The following PPP2R5C variants were observed in gnomAD, a reference collection of about 807,000 sequenced individuals.
PPP2R5C encodes protein phosphatase 2 regulatory subunit B'gamma, also known as serine/threonine-protein phosphatase 2A 56 kDa regulatory subunit gamma isoform.
Under a neutral mutation model 68.9 loss-of-function variants are expected in PPP2R5C, and 7 were observed. The observed-to-expected ratio is 0.10, with a 90% CI of 0.06 to 0.19. The LOEUF (loss-of-function observed/expected upper bound fraction) is 0.19, where lower values mean the gene tolerates loss of function less well. PPP2R5C is among the 10% of genes least tolerant of loss of function. The probability of loss-of-function intolerance (pLI) is 1.00; values close to 1 mark genes in which losing one functional copy is unlikely to be tolerated. For missense variants in PPP2R5C, 348 were observed against 641.3 expected (o/e 0.54, Z 4.94); for synonymous variants, 210 against 222.2 (o/e 0.95, Z 0.49).
intron 1 of PPP2R5C, among the ~76,000 whole-genome samples, chr14:101,812,321 G>C (rs551792668): frequency 6.9e-4 from 105 of 152,298 alleles, no homozygotes; most frequent in African/African-American, 2.3e-3. Flanking sequence ...ACACCGGCAG[G>C]GTGCCCGGGA....
chr14:101,772,916 G>A (rs940526666), intron 2 of PPP2R5C, among the ~76,000 whole-genome samples: 3 of 152,170 alleles, frequency 2.0e-5, no homozygotes, highest in Non-Finnish European at 2.9e-5. Context: ...TATGAATGGG[G>A]CCACTGTCCA....
intron 13 of PPP2R5C, chr14:101,922,018 T>C (rs1166020664): frequency 1.0e-6 from 1 of 985,402 alleles, no homozygotes; most frequent in Non-Finnish European, 1.2e-6. Flanking sequence ...ACCACGCAAG[T>C]AAGGAAGGTG....
Position 101,781,903 on chromosome 14 carries a change from T to C in PPP2R5C, c.94-4115T>C, listed in dbSNP as rs114089116. 0.037 allele frequency among the ~76,000 whole-genome samples: 5,681 copies of C among 151,590 alleles called. 337 individuals carry two copies. Among genetic ancestry groups the C allele is most frequent in the African/African-American group, 0.13 (5,292 of 41,238 alleles). ...CGGAGCGGCACCCAGGAGCCCGCCC[T>C]AGCACCCGCTCCCGCTCCCACCTCG... is the stretch of plus-strand genomic sequence containing the variant. On this transcript the variant is annotated intron_variant, in intron 2 of 14. Coordinates refer to the PPP2R5C transcript ENST00000328724. This position sits in a 1 kb window ranked among gnomAD's most constrained non-coding sequence, Gnocchi z 6.4.
intron 12 of PPP2R5C, among the ~76,000 whole-genome samples, chr14:101,912,802 A>G (rs2046468471): frequency 6.6e-6 from 1 of 152,236 alleles, no homozygotes; most frequent in Non-Finnish European, 1.5e-5. Flanking sequence ...CTGTCACTCA[A>G]ACAGCATTTC....
chr14:101,795,533 T>C (rs192141600), intron 3 of PPP2R5C, among the ~76,000 whole-genome samples: 1 of 152,082 alleles, frequency 6.6e-6, no homozygotes, highest in East Asian at 1.9e-4. Context: ...AAGATACTTA[T>C]AGGAAGAGTA....
chr14:101,786,680 A>G (rs1186400953), intron 3 of PPP2R5C, among the ~76,000 whole-genome samples: 1 of 152,158 alleles, frequency 6.6e-6, no homozygotes, highest in Non-Finnish European at 1.5e-5. Context: ...CTTATATGAA[A>G]TTAGGAAAAA....
At chr14:101,908,216 A>G (rs1308632126) in intron 10 of PPP2R5C, among the ~76,000 whole-genome samples, 1 of 152,210 alleles carries the variant, frequency 6.6e-6, no homozygotes, top group Non-Finnish European at 1.5e-5. Flanking sequence ...GGCACCAAGT[A>G]AGCATTTGCT....
intron 1 of PPP2R5C, among the ~76,000 whole-genome samples, chr14:101,854,986 G>A (rs528589183): frequency 5.9e-5 from 9 of 152,192 alleles, no homozygotes; most frequent in East Asian, 1.9e-4. Context: ...CCTGGCCAAC[G>A]TGGTGAAACC....
chr14:101,909,687 T>C (rs2046276929), exon 11 of PPP2R5C: 1 of 1,585,132 alleles, frequency 6.3e-7, no homozygotes, highest in Non-Finnish European at 8.7e-7. Context: ...GCAGAGAAAC[T>C]AAAGTGAGTT....
intron 1 of PPP2R5C, among the ~76,000 whole-genome samples, chr14:101,854,551 A>T: frequency 6.6e-6 from 1 of 152,206 alleles, no homozygotes; most frequent in Non-Finnish European, 1.5e-5. Context: ...CTCAACAGGA[A>T]GTTGACAGTA....
At position 101,761,928 on chromosome 14, in the gene PPP2R5C, C is replaced by G. The variant is rs1490812448; in HGVS notation, c.27+8C>G. On this transcript the variant is annotated splice_region_variant and intron_variant, in intron 1 of 14. Coordinates refer to the PPP2R5C transcript ENST00000328724. Reference sequence around the variant, plus strand: ...AAAAACAAGAAGGAGAAAGTGAGTCCGGGCCCGGCCGCGGGACGGAGGGAG... The same window carrying G: ...AAAAACAAGAAGGAGAAAGTGAGTCGGGGCCCGGCCGCGGGACGGAGGGAG... 1 of 1,188,272 alleles carries G rather than the reference C, an allele frequency of 8.4e-7. No homozygotes were observed. The highest frequency in any genetic ancestry group is 1.1e-6 in the Non-Finnish European group (1 of 950,634). The allele number at this position is 1,188,272 out of a possible 1,614,324, so 73.6% of individuals were successfully genotyped here. A position where few individuals can be genotyped will look rare whatever the true frequency, so the allele number is the denominator to read the frequency against.
intron 5 of PPP2R5C, 105 bp from the exon 8 acceptor site, chr14:101,890,132 T>C: frequency 9.7e-7 from 1 of 1,033,668 alleles, no homozygotes; most frequent in Non-Finnish European, 1.5e-6. Flanking sequence ...TTTGCACAAA[T>C]AGATGCGCTT....
At chr14:101,893,515 G>A (rs528762611) in intron 7 of PPP2R5C, among the ~76,000 whole-genome samples, 54 of 152,174 alleles carry the variant, frequency 3.5e-4, no homozygotes, top group Non-Finnish European at 7.2e-4. Flanking sequence ...ACTTTGGGAG[G>A]CTGAGGCGGA....
intron 1 of PPP2R5C, among the ~76,000 whole-genome samples, chr14:101,831,475 G>T (rs1200703220): frequency 6.6e-6 from 1 of 152,216 alleles, no homozygotes; most frequent in Non-Finnish European, 1.5e-5. Context: ...TAATGGGCCA[G>T]TGGGCATAGC....
intron 1 of PPP2R5C, among the ~76,000 whole-genome samples, chr14:101,842,114 CACTT>C (rs2041512723): frequency 1.3e-5 from 2 of 152,176 alleles, no homozygotes; most frequent in South Asian, 4.1e-4. Context: ...TGTCTTTCAA[CACTT>C]ACCCAAACAC....
At chr14:101,883,860 G>A (rs1381108496) in intron 5 of PPP2R5C, among the ~76,000 whole-genome samples, 1 of 152,190 alleles carries the variant, frequency 6.6e-6, no homozygotes, top group Admixed American at 6.5e-5. Context: ...AAGTTTCCTG[G>A]AAATGTGGAT....
intron 1 of PPP2R5C, chr14:101,824,260 A>G: frequency 9.2e-7 from 1 of 1,091,184 alleles, no homozygotes; most frequent in Non-Finnish European, 1.2e-6. Context: ...ATTCGTAATG[A>G]TATAGCATGA....
intron 1 of PPP2R5C, chr14:101,836,165 G>C (rs944541005): frequency 1.5e-6 from 1 of 650,302 alleles, no homozygotes; most frequent in African/African-American, 1.9e-5. Flanking sequence ...TTTTTTTTTT[G>C]CAGTTGAGGC....
chr14:101,903,860 G>A (rs2045866533), intron 9 of PPP2R5C, among the ~76,000 whole-genome samples: 1 of 151,892 alleles, frequency 6.6e-6, no homozygotes, highest in African/African-American at 2.4e-5. Flanking sequence ...ATTTTTAGTA[G>A]AGACGGGGTT....
Sources: gnomAD v4.1 joint callset for allele counts (sites outside exome capture counted in the v4.1 genomes callset) on GRCh38, gnomAD v4.1.1 for gene constraint, Gnocchi (gnomAD v3.1) non-coding constraint, MANE v1.5 for transcripts, NCBI Gene and HGNC (gene_info 2026-07-23, HGNC 2026-07-21) for gene names.